The following IGSF21 variants were observed in gnomAD, a reference collection of about 807,000 sequenced individuals.
The protein encoded by IGSF21 is immunoglobulin superfamily member 21.
A neutral mutation model predicts 46.8 loss-of-function variants in IGSF21; 28 were observed. The observed-to-expected ratio is 0.60, with a 90% CI of 0.44 to 0.82. The LOEUF is 0.82. Among genes scored for constraint, IGSF21 ranks in the 40% least tolerant of loss-of-function variants. The pLI is 0.00. For missense variants in IGSF21, 624 were observed against 665.5 expected (o/e 0.94, Z 0.69); for synonymous variants, 284 against 273.6 (o/e 1.04, Z -0.38).
intron 2 of IGSF21, among the ~76,000 whole-genome samples, chr1:18,256,917 A>G (rs223182): frequency 0.2 from 30,811 of 152,008 alleles, 3,461 homozygotes; most frequent in African/African-American, 0.3. Context: ...GACACTCTCT[A>G]GCCAACTTCT....
chr1:18,194,968 C>T (rs551976222), intron 1 of IGSF21, among the ~76,000 whole-genome samples: 1 of 152,218 alleles, frequency 6.6e-6, no homozygotes, highest in Non-Finnish European at 1.5e-5. Context: ...GGCAAAAGAC[C>T]TTGTGCAGGG....
At chr1:18,239,019 A>AC (rs1218811571) in intron 2 of IGSF21, among the ~76,000 whole-genome samples, 1 of 151,782 alleles carries the variant, frequency 6.6e-6, no homozygotes. Flanking sequence ...AGGTCAGGGC[A>AC]CCCCCCAGCT....
rs773197464 is a variant in IGSF21, at chr1:18,362,138, G to A, written c.448G>A (p.Val150Met). The A allele has an allele frequency of 1.5e-5, 24 of 1,611,280 alleles. No individual in the cohort carries two copies. In the South Asian group the frequency reaches 2.4e-4, roughly 16 times the overall value. The change falls in exon 5 of 10, where the codon GTG (valine) becomes ATG (methionine). Residue 150 changes from valine (V) to methionine (M), a missense_variant. By Grantham distance (21) the Val-to-Met change is conservative. Coordinates refer to ENST00000251296, the MANE Select transcript of IGSF21 (RefSeq NM_032880.5). ...VMAPPTSIEV[V>M]AADTPAPFSR... is the part of the protein sequence containing the mutation. Reference sequence around the variant, plus strand: ...AGCTCCTCCCACCTCCATTGAAGTGGTGGCTGCTGACACACCAGCCCCCTT... The same window carrying A: ...AGCTCCTCCCACCTCCATTGAAGTGATGGCTGCTGACACACCAGCCCCCTT...
At chr1:18,204,853 G>T (rs1010597874) in intron 1 of IGSF21, among the ~76,000 whole-genome samples, 2 of 152,190 alleles carry the variant, frequency 1.3e-5, no homozygotes, top group African/African-American at 4.8e-5. Context: ...TTCCTGTTGG[G>T]CTTGGGAGTT....
chr1:18,298,981 T>C (rs532390826), intron 3 of IGSF21, among the ~76,000 whole-genome samples: 1 of 152,286 alleles, frequency 6.6e-6, no homozygotes, highest in Non-Finnish European at 1.5e-5. Context: ...AAACACGAGA[T>C]AAATAGCTAA....
intron 1 of IGSF21, among the ~76,000 whole-genome samples, chr1:18,210,525 C>T (rs532400842): frequency 5.0e-4 from 76 of 152,264 alleles, no homozygotes; most frequent in African/African-American, 1.7e-3. Flanking sequence ...TTCCAGCTTT[C>T]GACGGCCGGT....
intron 1 of IGSF21, among the ~76,000 whole-genome samples, chr1:18,174,809 C>T (rs185362336): frequency 1.3e-5 from 2 of 152,346 alleles, no homozygotes; most frequent in African/African-American, 4.8e-5. Context: ...TTCTCCTGTG[C>T]CCTGACAGTG....
chr1:18,197,622 G>A (rs566863708), intron 1 of IGSF21, among the ~76,000 whole-genome samples: 4 of 152,346 alleles, frequency 2.6e-5, no homozygotes, highest in South Asian at 4.1e-4. Context: ...AAAGGCAGAC[G>A]TTGGAATGCT....
At chr1:18,167,936 C>G (rs905833339) in intron 1 of IGSF21, among the ~76,000 whole-genome samples, 5 of 148,892 alleles carry the variant, frequency 3.4e-5, no homozygotes, top group African/African-American at 1.3e-4. Flanking sequence ...TCATTCTTCT[C>G]CCTGCTCCAC....
At chr1:18,124,182 A>C (rs1487252947) in intron 1 of IGSF21, among the ~76,000 whole-genome samples, 1 of 152,178 alleles carries the variant, frequency 6.6e-6, no homozygotes, top group African/African-American at 2.4e-5. Flanking sequence ...AAGCCAAAAT[A>C]GGGGTGTGGC....
chr1:18,114,365 C>G (rs2086167983), intron 1 of IGSF21: 1 of 152,080 alleles, frequency 6.6e-6, no homozygotes, highest in South Asian at 2.1e-4. Flanking sequence ...ATAGCAGGTG[C>G]TCAGTCAGGT....
intron 1 of IGSF21, chr1:18,114,802 G>A (rs2086174418): frequency 6.6e-6 from 1 of 152,224 alleles, no homozygotes; most frequent in Non-Finnish European, 1.5e-5. Context: ...CCCAGATTCT[G>A]TGGTTGCGAG....
At position 18,335,698 on chromosome 1, in the gene IGSF21, G is replaced by A. The variant is rs1001334365; in HGVS notation, c.424+688G>A. ...GGACTTGGCCTTGACTCCAGACTCT[G>A]TGTTCTCCGGTTTTCTTATCAAATA... On this transcript the variant is annotated intron_variant, in intron 4 of 9. Coordinates refer to ENST00000251296, the MANE Select transcript of IGSF21 (RefSeq NM_032880.5). The surrounding 1 kb of genome is among the most constrained non-coding windows in gnomAD (Gnocchi z 4.8). Among the ~76,000 whole-genome samples the A allele has an allele frequency of 2.6e-5, 4 of 152,210 alleles. No homozygotes were observed. The highest frequency in any genetic ancestry group is 2.6e-4 in the Admixed American group (4 of 15,288).
chr1:18,335,821 C>T lies in IGSF21; in HGVS notation c.424+811C>T, dbSNP rs2085760346. ...CCGCTTCTGGGGAAATTGAAAACCT[C>T]CAAAGGCCAGACCTCCAGAGGGACA... On this transcript the variant is annotated intron_variant, in intron 4 of 9. Transcript: ENST00000251296. This position sits in a 1 kb window ranked among gnomAD's most constrained non-coding sequence, Gnocchi z 4.8. Among the ~76,000 whole-genome samples, 1 of 152,206 alleles carries T rather than the reference C, an allele frequency of 6.6e-6. No homozygotes were observed. Among genetic ancestry groups the T allele is most frequent in the South Asian group, 2.1e-4 (1 of 4,824 alleles).
chr1:18,196,766 G>T (rs960061505), intron 1 of IGSF21, among the ~76,000 whole-genome samples: 4 of 152,300 alleles, frequency 2.6e-5, no homozygotes, highest in Admixed American at 6.5e-5. Context: ...CAGTGACGGA[G>T]CTGGGACTTG....
Position 18,355,904 on chromosome 1 carries a change from C to T in IGSF21, c.425-6211C>T, listed in dbSNP as rs187476312. 1.4e-4 allele frequency among the ~76,000 whole-genome samples: 20 copies of T among 145,658 alleles called. No individual in the cohort carries two copies. In the East Asian group the frequency reaches 3.5e-3, roughly 25 times the overall value. On this transcript the variant is annotated intron_variant, in intron 4 of 9. Transcript: ENST00000251296. The stretch of plus-strand genomic sequence containing the variant: ...AGGCTGCAGTGCAATGGCACAGTCT[C>T]GGCTCACTGCAACCTCCGCCTTCCG...
At chr1:18,232,224 T>C (rs1478612772) in intron 2 of IGSF21, among the ~76,000 whole-genome samples, 4 of 150,948 alleles carry the variant, frequency 2.6e-5, no homozygotes, top group East Asian at 3.9e-4. Flanking sequence ...TTTTGGCTAA[T>C]AGAGTAGGGG....
In IGSF21 at chr1:18,364,120, C is replaced by T. The variant is rs531048217; in HGVS notation, c.541-1103C>T. Among the ~76,000 whole-genome samples the T allele has an allele frequency of 1.5e-3, 225 of 152,178 alleles. 1 individual carries two copies. The highest frequency in any genetic ancestry group is 5.2e-3 in the African/African-American group (217 of 41,506). ...GCCTGTCTGCCTGCCCCAACATTTG[C>T]GACACGGCAATAAAATATTCAGATA... On this transcript the variant is annotated intron_variant, in intron 5 of 9. Coordinates refer to ENST00000251296, the MANE Select transcript of IGSF21 (RefSeq NM_032880.5).
chr1:18,291,927 A>G lies in IGSF21; in HGVS notation c.245A>G (p.Asn82Ser), dbSNP rs138785290. 3.7e-6 allele frequency: 6 copies of G among 1,613,612 alleles called. No individual in the cohort carries two copies. Among genetic ancestry groups the G allele is most frequent in the Non-Finnish European group, 5.1e-6 (6 of 1,179,906 alleles). ...ACCTTCGACGCCATGTTCTCCACCAACTACTCACACATGGAGAACTACCGC... is the reference window on the plus strand; with the variant it reads ...ACCTTCGACGCCATGTTCTCCACCAGCTACTCACACATGGAGAACTACCGC... ...IFTFDAMFST[N>S]YSHMENYRKR... Residue 82 changes from asparagine (N) to serine (S), a missense_variant, in exon 3 of 10, where the codon AAC becomes AGC. Transcript: ENST00000251296.
Sources: allele counts gnomAD v4.1 joint callset (sites outside exome capture counted in the v4.1 genomes callset), GRCh38; gene constraint gnomAD v4.1.1; non-coding constraint Gnocchi (gnomAD v3.1); transcripts MANE v1.5; gene names NCBI Gene and HGNC (gene_info 2026-07-23, HGNC 2026-07-21).